Variants in TNFRSF25 observed in about 807,000 individuals in gnomAD.
The protein encoded by TNFRSF25 is TNF receptor superfamily member 25.
In TNFRSF25, 28 loss-of-function variants were observed where a neutral mutation model predicts 49.4. The observed-to-expected ratio is 0.57, with a 90% CI of 0.42 to 0.78. The LOEUF (loss-of-function observed/expected upper bound fraction) is 0.78, where lower values mean the gene tolerates loss of function less well. Among genes scored for constraint, TNFRSF25 ranks in the 30% least tolerant of loss-of-function variants. The probability of loss-of-function intolerance (pLI) is 0.00; values close to 1 mark genes in which losing one functional copy is unlikely to be tolerated. For missense variants in TNFRSF25, 531 were observed against 581.6 expected (o/e 0.91, Z 0.90); for synonymous variants, 240 against 234.2 (o/e 1.02, Z -0.23).
rs1644153126 is a variant in TNFRSF25, at chr1:6,460,939, C to T, written c.*495G>A. 1 of 364,910 alleles carries T rather than the reference C, an allele frequency of 2.7e-6. No homozygotes were observed. Among genetic ancestry groups the T allele is most frequent in the Admixed American group, 4.1e-5 (1 of 24,574 alleles). The allele number at this position is 364,910 out of a possible 1,614,324, so 22.6% of individuals were successfully genotyped here. ...AAGCGCTCTCATCTGGGCTCCGGTT[C>T]ACTCACTCGCTGTGGCCGCGACTTG... On this transcript the variant is annotated 3_prime_UTR_variant, in exon 10 of 10. Coordinates refer to ENST00000356876, the MANE Select transcript of TNFRSF25 (RefSeq NM_003790.3).
intron 1 of TNFRSF25, 197 bp downstream of exon 1, chr1:6,465,872 C>G (rs1390420590): frequency 7.1e-7 from 1 of 1,415,988 alleles, no homozygotes; most frequent in African/African-American, 1.5e-5. Flanking sequence ...CTGCCTGGGG[C>G]CCCCAGACCC....
In TNFRSF25 at chr1:6,462,050, T is replaced by C. The variant is rs1442167761; in HGVS notation, c.869A>G (p.Glu290Gly). 6.2e-7 allele frequency: 1 copy of C among 1,613,156 alleles called. No homozygotes were observed. The highest frequency in any genetic ancestry group is 8.5e-7 in the Non-Finnish European group (1 of 1,179,860). ...SWTPGYPETQ[E>G]ALCPQVTWSW... is the part of the protein sequence containing the mutation. ...CCATGTCACCTGCGGGCAGAGCGCC[T>C]CCTGGGTCTCGGGGTAGCCAGGGGT... The change falls in exon 9 of 10, where the codon GAG (glutamate) becomes GGG (glycine). Residue 290 changes from glutamate to glycine, a missense_variant. Glu to Gly is a moderately conservative substitution (Grantham distance 98). Coordinates refer to ENST00000356876, the MANE Select transcript of TNFRSF25 (RefSeq NM_003790.3). The surrounding 1 kb of genome is among the most constrained non-coding windows in gnomAD (Gnocchi z 4.2).
chr1:6,461,906 G>A lies in TNFRSF25; in HGVS notation c.925+88C>T. ...ATAGGGCGGACTCCGTCAGTTAGGG[G>A]GCAGAAAGGGAACACGTTGTGAAAC... On this transcript the variant is annotated intron_variant, in intron 9 of 9. Transcript: ENST00000356876. This position sits in a 1 kb window ranked among gnomAD's most constrained non-coding sequence, Gnocchi z 6.3. The A allele has an allele frequency of 1.3e-6, 2 of 1,510,656 alleles. No homozygotes were observed. Among genetic ancestry groups the A allele is most frequent in the Non-Finnish European group, 1.8e-6 (2 of 1,133,506 alleles). 93.6% of individuals were successfully genotyped at this position (1,510,656 alleles called of 1,614,324 possible).
In TNFRSF25 at chr1:6,462,245, A is replaced by T; in HGVS notation, c.745-71T>A. ...GGCCCCTTACCCGCAGTGCCTCTCCAGGAGGGGACAGTCCCTGGTTCAGTC... is the reference window on the plus strand; with the variant it reads ...GGCCCCTTACCCGCAGTGCCTCTCCTGGAGGGGACAGTCCCTGGTTCAGTC... On this transcript the variant is annotated intron_variant, in intron 8 of 9. Coordinates refer to ENST00000356876, the MANE Select transcript of TNFRSF25 (RefSeq NM_003790.3). The surrounding 1 kb of genome is among the most constrained non-coding windows in gnomAD (Gnocchi z 4.2). The T allele has an allele frequency of 6.6e-7, 1 of 1,521,498 alleles. No individual in the cohort carries two copies. The allele number at this position is 1,521,498 out of a possible 1,614,324, so 94.2% of individuals were successfully genotyped here.
At position 6,462,067 on chromosome 1, in the gene TNFRSF25, G is replaced by A. The variant is rs748791850; in HGVS notation, c.852C>T (p.Gly284=). 3.1e-6 allele frequency: 5 copies of A among 1,613,834 alleles called. No homozygotes were observed. In the African/African-American group the frequency reaches 5.3e-5, roughly 17 times the overall value. ...AGAGCGCCTCCTGGGTCTCGGGGTAGCCAGGGGTCCAGCTGTTACCCACCA... is the reference window on the plus strand; with the variant it reads ...AGAGCGCCTCCTGGGTCTCGGGGTAACCAGGGGTCCAGCTGTTACCCACCA... ...VQLVGNSWTP[G]YPETQEALCP... Residue 284 remains glycine, a synonymous_variant, in exon 9 of 10, where the codon GGC becomes GGT. Transcript: ENST00000356876. The surrounding 1 kb of genome is among the most constrained non-coding windows in gnomAD (Gnocchi z 4.2).
At chr1:6,464,314 C>T in intron 5 of TNFRSF25, 61 bp downstream of exon 5, 12 of 1,559,170 alleles carry the variant, frequency 7.7e-6, no homozygotes, top group Non-Finnish European at 6.9e-6. Flanking sequence ...CCTGCCCCAC[C>T]CCAGGCCCCT....
chr1:6,464,679 G>C lies in TNFRSF25; in HGVS notation c.336C>G (p.Asp112Glu). The C allele has an allele frequency of 1.9e-6, 3 of 1,614,010 alleles. No individual in the cohort carries two copies. Among genetic ancestry groups the C allele is most frequent in the Non-Finnish European group, 2.5e-6 (3 of 1,180,034 alleles). The part of the protein sequence containing the change: ...VALENCSAVA[D>E]TRCGCKPGWF... The stretch of plus-strand genomic sequence containing the variant: ...AGCCTGGCTTACAGCCACAGCGGGT[G>C]TCGGCCACTGCTGAACAGTTCTCCA... The change falls in exon 4 of 10, where the codon GAC (aspartate) becomes GAG (glutamate). Residue 112 changes from aspartate (D) to glutamate (E), a missense_variant. Asp to Glu is a conservative substitution (Grantham distance 45). Coordinates refer to ENST00000356876, the MANE Select transcript of TNFRSF25 (RefSeq NM_003790.3).
intron 1 of TNFRSF25, 39 bp from the exon 2 acceptor site, chr1:6,465,599 C>T (rs767476986): frequency 1.3e-6 from 2 of 1,597,334 alleles, no homozygotes; most frequent in South Asian, 2.2e-5. Context: ...CGCAGCTGCC[C>T]ACGTGGGGCC....
intron 1 of TNFRSF25, chr1:6,465,827 A>C: frequency 7.1e-7 from 1 of 1,417,706 alleles, no homozygotes. Context: ...ACCCCCACCC[A>C]TGCTTTCTGT....
rs1035719450 is a variant in TNFRSF25 at position 6,462,529 on chromosome 1, G to A, written c.744+100C>T. 2 of 1,551,542 alleles carry A rather than the reference G, an allele frequency of 1.3e-6. No individual in the cohort carries two copies. Among genetic ancestry groups the A allele is most frequent in the African/African-American group, 1.4e-5 (1 of 73,074 alleles). ...GCTCCCAACACCTCTGTCCACTAGGGCTACCCGGTGCTGGCCGCGTGCCAA... is the reference window on the plus strand; with the variant it reads ...GCTCCCAACACCTCTGTCCACTAGGACTACCCGGTGCTGGCCGCGTGCCAA... On this transcript the variant is annotated intron_variant, in intron 8 of 9. Coordinates refer to ENST00000356876, the MANE Select transcript of TNFRSF25 (RefSeq NM_003790.3). The surrounding 1 kb of genome is among the most constrained non-coding windows in gnomAD (Gnocchi z 4.2).
At position 6,462,256 on chromosome 1, in the gene TNFRSF25, G is replaced by C. The variant is rs927854934; in HGVS notation, c.745-82C>G. 6.7e-7 allele frequency: 1 copy of C among 1,498,426 alleles called. No individual in the cohort carries two copies. Among genetic ancestry groups the C allele is most frequent in the East Asian group, 2.3e-5 (1 of 43,676 alleles). The allele number at this position is 1,498,426 out of a possible 1,614,324, so 92.8% of individuals were successfully genotyped here. On this transcript the variant is annotated intron_variant, in intron 8 of 9. Coordinates refer to ENST00000356876, the MANE Select transcript of TNFRSF25 (RefSeq NM_003790.3). This position sits in a 1 kb window ranked among gnomAD's most constrained non-coding sequence, Gnocchi z 4.2. ...CGCAGTGCCTCTCCAGGAGGGGACA[G>C]TCCCTGGTTCAGTCAGCAGACACCC...
chr1:6,462,546 G>A lies in TNFRSF25; in HGVS notation c.744+83C>T, dbSNP rs185344623. The A allele has an allele frequency of 2.0e-3, 3,195 of 1,563,092 alleles. 9 individuals are homozygous for A. Among genetic ancestry groups the A allele is most frequent in the Non-Finnish European group, 2.6e-3 (2,960 of 1,155,530 alleles). ...CCACTAGGGCTACCCGGTGCTGGCCGCGTGCCAAGCTCCAGGGATCATAGT... is the reference window on the plus strand; with the variant it reads ...CCACTAGGGCTACCCGGTGCTGGCCACGTGCCAAGCTCCAGGGATCATAGT... On this transcript the variant is annotated intron_variant, in intron 8 of 9. Coordinates refer to ENST00000356876, the MANE Select transcript of TNFRSF25 (RefSeq NM_003790.3). This position sits in a 1 kb window ranked among gnomAD's most constrained non-coding sequence, Gnocchi z 4.2.
chr1:6,461,281 T>C lies in TNFRSF25; in HGVS notation c.*153A>G. On this transcript the variant is annotated 3_prime_UTR_variant, in exon 10 of 10. Coordinates refer to ENST00000356876, the MANE Select transcript of TNFRSF25 (RefSeq NM_003790.3). The surrounding 1 kb of genome is among the most constrained non-coding windows in gnomAD (Gnocchi z 6.3). ...TGCTTCTTCGCCTTGGCTGGAGCGATAGGGGCGAGCAGGGGTGGGGCCGGC... is the reference window on the plus strand; with the variant it reads ...TGCTTCTTCGCCTTGGCTGGAGCGACAGGGGCGAGCAGGGGTGGGGCCGGC... The C allele has an allele frequency of 1.0e-6, 1 of 960,302 alleles. No homozygotes were observed. The highest frequency in any genetic ancestry group is 1.6e-6 in the Non-Finnish European group (1 of 608,888). The allele number at this position is 960,302 out of a possible 1,614,324, so 59.5% of individuals were successfully genotyped here.
intron 6 of TNFRSF25, 44 bp from the exon 7 acceptor site, chr1:6,463,014 C>T: frequency 6.4e-7 from 1 of 1,555,922 alleles, no homozygotes; most frequent in Non-Finnish European, 8.7e-7. Flanking sequence ...CCCCTCCTCA[C>T]CCGCCTCCCC....
At chr1:6,464,119 A>G in intron 5 of TNFRSF25, 1 of 1,366,210 alleles carries the variant, frequency 7.3e-7, no homozygotes, top group Non-Finnish European at 9.5e-7. Flanking sequence ...ATCATCTGTA[A>G]TATCTGGCTA....
Position 6,462,461 on chromosome 1 carries a change from C to T in TNFRSF25, c.744+168G>A, listed in dbSNP as rs1644205818. 3 of 1,468,418 alleles carry T rather than the reference C, an allele frequency of 2.0e-6. No individual in the cohort carries two copies. The South Asian group carries it at 4.2e-5, about 21-fold the overall frequency. The allele number at this position is 1,468,418 out of a possible 1,614,324, so 91.0% of individuals were successfully genotyped here. A position where few individuals can be genotyped will look rare whatever the true frequency, so the allele number is the denominator to read the frequency against. On this transcript the variant is annotated intron_variant, in intron 8 of 9. Coordinates refer to ENST00000356876, the MANE Select transcript of TNFRSF25 (RefSeq NM_003790.3). The surrounding 1 kb of genome is among the most constrained non-coding windows in gnomAD (Gnocchi z 4.2). Reference sequence around the variant, plus strand: ...CTGAACTCCAGCTGACTGAGCACCCCTTGAGGGCAGGCACTGTGCTGGTCT... The same window carrying T: ...CTGAACTCCAGCTGACTGAGCACCCTTTGAGGGCAGGCACTGTGCTGGTCT...
intron 1 of TNFRSF25, 24 bp downstream of exon 1, chr1:6,466,045 C>T (rs1384439119): frequency 1.3e-6 from 2 of 1,579,616 alleles, no homozygotes; most frequent in Non-Finnish European, 1.7e-6. Flanking sequence ...AAAGCTGCCC[C>T]TAGCCTCCTG....
chr1:6,464,342 C>A, intron 5 of TNFRSF25, 33 bp downstream of exon 5: 2 of 1,584,296 alleles, frequency 1.3e-6, no homozygotes, highest in Middle Eastern at 1.8e-4. Flanking sequence ...TCCCAGCCGC[C>A]CTTCCCTCCA....
Position 6,461,318 on chromosome 1 carries a change from C to G in TNFRSF25, c.*116G>C, listed in dbSNP as rs879402671. ...GGGGTGGGGCCGGCTGGTGCTGCTACGCAGGGCCGTGCCAGCGGCTTAATA... is the reference window on the plus strand; with the variant it reads ...GGGGTGGGGCCGGCTGGTGCTGCTAGGCAGGGCCGTGCCAGCGGCTTAATA... On this transcript the variant is annotated 3_prime_UTR_variant, in exon 10 of 10. Transcript: ENST00000356876. The surrounding 1 kb of genome is among the most constrained non-coding windows in gnomAD (Gnocchi z 6.3). The G allele has an allele frequency of 6.0e-6, 8 of 1,326,582 alleles. No individual in the cohort carries two copies. The highest frequency in any genetic ancestry group is 1.3e-5 in the South Asian group (1 of 76,324). 82.2% of individuals were successfully genotyped at this position (1,326,582 alleles called of 1,614,324 possible). A position where few individuals can be genotyped will look rare whatever the true frequency, so the allele number is the denominator to read the frequency against.
Sources: gnomAD v4.1 joint callset for allele counts on GRCh38, gnomAD v4.1.1 for gene constraint, Gnocchi (gnomAD v3.1) non-coding constraint, MANE v1.5 for transcripts, NCBI Gene and HGNC (gene_info 2026-07-23, HGNC 2026-07-21) for gene names.